IL1RAPL2: variants seen among roughly 807,000 people sequenced by gnomAD.
The protein encoded by IL1RAPL2 is interleukin 1 receptor accessory protein like 2, also known as X-linked interleukin-1 receptor accessory protein-like 2.
A neutral mutation model predicts 44.1 loss-of-function variants in IL1RAPL2; 3 were observed. That is an observed-to-expected ratio of 0.07 (90% CI 0.03 to 0.18). The LOEUF (loss-of-function observed/expected upper bound fraction) is 0.18, where lower values mean the gene tolerates loss of function less well. Ranked by LOEUF, IL1RAPL2 falls within the 10% of genes least tolerant of loss-of-function variation. The probability of loss-of-function intolerance (pLI) is 1.00; values close to 1 mark genes in which losing one functional copy is unlikely to be tolerated. For synonymous variants in IL1RAPL2, 181 were observed against 178.8 expected (o/e 1.01, Z -0.10); for missense variants, 391 against 496.4 (o/e 0.79, Z 2.02).
intron 2 of IL1RAPL2, among the ~76,000 whole-genome samples, chrX:105,121,773 C>T (rs2032927944): frequency 9.0e-6 from 1 of 110,930 alleles, no homozygotes; most frequent in South Asian, 3.8e-4. Context: ...TCGATCAAAG[C>T]AAAGTGGTTA....
At chrX:104,703,601 G>A (rs887090533) in intron 2 of IL1RAPL2, among the ~76,000 whole-genome samples, 2 of 111,829 alleles carry the variant, frequency 1.8e-5, no homozygotes, top group African/African-American at 3.3e-5. Context: ...CCCAAGCTGT[G>A]GCCTAGGTGA....
chrX:105,237,439 G>A (rs1556202933), intron 4 of IL1RAPL2, among the ~76,000 whole-genome samples: 2 of 111,959 alleles, frequency 1.8e-5, no homozygotes, highest in South Asian at 3.7e-4. Context: ...CACAATGATT[G>A]AACCAGTTTA....
At chrX:105,251,470 G>C (rs779020825) in intron 4 of IL1RAPL2, among the ~76,000 whole-genome samples, 1 of 110,649 alleles carries the variant, frequency 9.0e-6, no homozygotes, top group Non-Finnish European at 1.9e-5. Context: ...GAGTTGCAAA[G>C]CTCATGAAGG....
chrX:104,946,465 G>A (rs1445091639), intron 2 of IL1RAPL2, among the ~76,000 whole-genome samples: 1 of 91,781 alleles, frequency 1.1e-5, no homozygotes, highest in Non-Finnish European at 2.1e-5. Flanking sequence ...TGCACAATGT[G>A]CAGGTTAGTT....
intron 2 of IL1RAPL2, among the ~76,000 whole-genome samples, chrX:104,748,063 C>A (rs1932204510): frequency 9.0e-6 from 1 of 111,274 alleles, no homozygotes; most frequent in South Asian, 3.8e-4. Flanking sequence ...GAAGATGGTT[C>A]ATTTACAATT....
chrX:104,941,697 A>G (rs956093417), intron 2 of IL1RAPL2, among the ~76,000 whole-genome samples: 20 of 111,515 alleles, frequency 1.8e-4, no homozygotes, highest in Non-Finnish European at 2.4e-4. Context: ...GAAGCTCTTT[A>G]GTTTAATTAG....
chrX:105,760,702 A>G (rs1325236303), intron 10 of IL1RAPL2, among the ~76,000 whole-genome samples: 1 of 112,282 alleles, frequency 8.9e-6, no homozygotes, highest in African/African-American at 3.2e-5. Context: ...ATCAGGTCTC[A>G]GCAAATTCAT....
intron 2 of IL1RAPL2, among the ~76,000 whole-genome samples, chrX:104,730,345 G>T (rs1176134999): frequency 1.1e-5 from 1 of 91,151 alleles, no homozygotes; most frequent in African/African-American, 3.7e-5. Context: ...TTAGCATTAG[G>T]TGTATCTCCT....
chrX:105,686,823 G>A (rs774247722), intron 6 of IL1RAPL2, among the ~76,000 whole-genome samples: 2 of 111,893 alleles, frequency 1.8e-5, no homozygotes, highest in South Asian at 7.4e-4. Flanking sequence ...ATAATTGGAA[G>A]TAAAGCACTC....
At chrX:104,939,773 A>G (rs1925118692) in intron 2 of IL1RAPL2, among the ~76,000 whole-genome samples, 1 of 111,888 alleles carries the variant, frequency 8.9e-6, no homozygotes, top group Non-Finnish European at 1.9e-5. Context: ...ATTCAAAGCA[A>G]TAAAGTTGTG....
chrX:105,372,893 C>T (rs2035355166), intron 5 of IL1RAPL2, among the ~76,000 whole-genome samples: 1 of 112,048 alleles, frequency 8.9e-6, no homozygotes, highest in Admixed American at 9.5e-5. Context: ...ATATATGTAC[C>T]ACATTTGCTT....
intron 2 of IL1RAPL2, among the ~76,000 whole-genome samples, chrX:105,149,704 G>A (rs763713258): frequency 1.8e-5 from 2 of 110,178 alleles, no homozygotes; most frequent in African/African-American, 3.3e-5. Flanking sequence ...GTGTTAACAG[G>A]CATCTGTAAT....
chrX:104,716,266 A>G (rs1216871579), intron 2 of IL1RAPL2, among the ~76,000 whole-genome samples: 3 of 111,824 alleles, frequency 2.7e-5, no homozygotes, highest in Non-Finnish European at 5.7e-5. Context: ...CTTACACCAC[A>G]TACAAAGATT....
Position 104,588,081 on chromosome X carries a change from A to G in IL1RAPL2, c.-20+21030A>G, listed in dbSNP as rs148841090. On this transcript the variant is annotated intron_variant, in intron 1 of 10. Coordinates refer to ENST00000372582, the MANE Select transcript of IL1RAPL2 (RefSeq NM_017416.2). Reference sequence around the variant, plus strand: ...GAATTTTGAACCCTCATTTGTTCTTAGCCCATGCTGCGTATCACCTGCCTC... The same window carrying G: ...GAATTTTGAACCCTCATTTGTTCTTGGCCCATGCTGCGTATCACCTGCCTC... Among the ~76,000 whole-genome samples the G allele has an allele frequency of 2.2e-3, 243 of 112,001 alleles. 4 individuals are homozygous for G. In the East Asian group the frequency reaches 0.064, roughly 30 times the overall value.
intron 6 of IL1RAPL2, among the ~76,000 whole-genome samples, chrX:105,582,690 G>T (rs2037097193): frequency 9.2e-6 from 1 of 108,515 alleles, no homozygotes; most frequent in Admixed American, 9.8e-5. Flanking sequence ...TTGCTGAGAG[G>T]TGTTTTTTTT....
At chrX:105,347,552 TCCTC>T (rs1458822218) in intron 5 of IL1RAPL2, among the ~76,000 whole-genome samples, 1 of 81,375 alleles carries the variant, frequency 1.2e-5, no homozygotes, top group Non-Finnish European at 2.2e-5. Flanking sequence ...TTCCCTCTCT[TCCTC>T]CATCATCATC....
At chrX:104,961,300 T>G (rs1392176886) in intron 2 of IL1RAPL2, among the ~76,000 whole-genome samples, 1 of 111,895 alleles carries the variant, frequency 8.9e-6, no homozygotes, top group Non-Finnish European at 1.9e-5. Context: ...ATCACATTTG[T>G]GCATTTCAGT....
chrX:105,168,700 C>G (rs1307932300), intron 2 of IL1RAPL2, among the ~76,000 whole-genome samples: 2 of 110,117 alleles, frequency 1.8e-5, no homozygotes, highest in African/African-American at 6.6e-5. Flanking sequence ...AAGATTGTTC[C>G]AGCCCTAAAG....
chrX:104,855,940 G>A (rs1239959785), intron 2 of IL1RAPL2, among the ~76,000 whole-genome samples: 4 of 109,997 alleles, frequency 3.6e-5, no homozygotes, highest in African/African-American at 9.9e-5. Flanking sequence ...AAAGTGCTGG[G>A]ATTATAGGCA....
Sources: gnomAD v4.1 joint callset for allele counts (sites outside exome capture counted in the v4.1 genomes callset) on GRCh38, gnomAD v4.1.1 for gene constraint, MANE v1.5 for transcripts, NCBI Gene and HGNC (gene_info 2026-07-23, HGNC 2026-07-21) for gene names.